KCTD1: variants seen among roughly 807,000 people sequenced by gnomAD.
KCTD1 encodes BTB/POZ domain-containing protein KCTD1.
A neutral mutation model predicts 66.0 loss-of-function variants in KCTD1; 24 were observed. The ratio of observed to expected loss-of-function variants is 0.36; its 90% CI spans 0.26 to 0.51. The LOEUF is 0.51. Ranked by LOEUF, KCTD1 falls within the 20% of genes least tolerant of loss-of-function variation. The pLI is 0.95. For synonymous variants in KCTD1, 511 were observed against 517.2 expected (o/e 0.99, Z 0.16); for missense variants, 943 against 1,205.2 (o/e 0.78, Z 3.22).
At chr18:26,470,532 CAG>C (rs1203898384) in intron 3 of KCTD1, among the ~76,000 whole-genome samples, 1 of 152,230 alleles carries the variant, frequency 6.6e-6, no homozygotes, top group Non-Finnish European at 1.5e-5. Flanking sequence ...GATGGCAAAA[CAG>C]AAAGACAGAA....
chr18:26,483,297 C>T (rs1221211830), intron 2 of KCTD1, among the ~76,000 whole-genome samples: 1 of 152,124 alleles, frequency 6.6e-6, no homozygotes, highest in Non-Finnish European at 1.5e-5. Flanking sequence ...GAGAGTGAGT[C>T]TCGCTCTATC....
At chr18:26,508,726 TCTCA>T (rs748863594) in intron 1 of KCTD1, among the ~76,000 whole-genome samples, 3 of 151,238 alleles carry the variant, frequency 2.0e-5, no homozygotes, top group African/African-American at 4.9e-5. Flanking sequence ...TCTCTCTCTC[TCTCA>T]CACACACACA....
At chr18:26,532,256 T>C (rs540048876) in intron 1 of KCTD1, among the ~76,000 whole-genome samples, 1 of 67,232 alleles carries the variant, frequency 1.5e-5, no homozygotes, top group East Asian at 6.5e-4. Context: ...TTCTTTTCTT[T>C]CCTTCTTTTT....
At chr18:26,647,338 C>A (rs1036904894) in intron 1 of KCTD1, among the ~76,000 whole-genome samples, 2 of 149,340 alleles carry the variant, frequency 1.3e-5, no homozygotes. Context: ...GAAACCCCCC[C>A]CCCATCTCTA....
At chr18:26,459,511 CTGAG>C (rs1980287270) in intron 4 of KCTD1, 105 bp downstream of exon 4, 1 of 1,045,498 alleles carries the variant, frequency 9.6e-7, no homozygotes. Flanking sequence ...AGAAGTGTCA[CTGAG>C]TGAGTTTCTA....
In KCTD1 at chr18:26,604,533, A is replaced by G. The variant is rs139840236; in HGVS notation, c.-16+24614T>C. Among the ~76,000 whole-genome samples the G allele has an allele frequency of 5.5e-4, 84 of 152,378 alleles. No individual in the cohort carries two copies. The East Asian group carries it at 0.014, about 26-fold the overall frequency. Reference sequence around the variant, plus strand: ...TAAATGTCTATAAAGAAAATGTGGTACATATACACCATGGAATACTATGCA... The same window carrying G: ...TAAATGTCTATAAAGAAAATGTGGTGCATATACACCATGGAATACTATGCA... On this transcript the variant is annotated intron_variant, in intron 1 of 4. Coordinates refer to the KCTD1 transcript ENST00000317932.
intron 1 of KCTD1, among the ~76,000 whole-genome samples, chr18:26,510,972 G>C (rs1022662271): frequency 6.6e-6 from 1 of 152,178 alleles, no homozygotes; most frequent in Non-Finnish European, 1.5e-5. Flanking sequence ...GATTAGGACT[G>C]GGTGATGATG....
chr18:26,563,184 A>G (rs968017843), intron 1 of KCTD1, among the ~76,000 whole-genome samples: 1 of 152,160 alleles, frequency 6.6e-6, no homozygotes, highest in African/African-American at 2.4e-5. Flanking sequence ...CAGCAAACAA[A>G]GTAGAAGGTG....
chr18:26,647,633 T>C (rs939952347), intron 1 of KCTD1, among the ~76,000 whole-genome samples: 1 of 150,280 alleles, frequency 6.7e-6, no homozygotes, highest in Admixed American at 6.7e-5. Flanking sequence ...CTGCATTAAG[T>C]AGGGTCCAAA....
rs150449982 is a variant in KCTD1, at chr18:26,576,822, T to C, written c.-16+52325A>G. ...TATTTATTAATCAGGTATTCATCTA[T>C]GTATTTATTATTAAAATGTTCAATG... On this transcript the variant is annotated intron_variant, in intron 1 of 4. Transcript: ENST00000317932. 4.0e-3 allele frequency among the ~76,000 whole-genome samples: 611 copies of C among 152,342 alleles called. 5 individuals are homozygous for C. Among genetic ancestry groups the C allele is most frequent in the African/African-American group, 0.013 (551 of 41,572 alleles).
Position 26,548,124 on chromosome 18 carries a change from C to A in KCTD1, c.413G>T (p.Arg138Leu). The A allele has an allele frequency of 7.6e-7, 1 of 1,309,964 alleles. No individual in the cohort carries two copies. Among genetic ancestry groups the A allele is most frequent in the South Asian group, 2.6e-5 (1 of 39,186 alleles). 81.1% of individuals were successfully genotyped at this position (1,309,964 alleles called of 1,614,324 possible). Residue 138 changes from arginine to leucine, a missense_variant, in exon 1 of 5, where the codon CGA becomes CTA. Transcript: ENST00000580059. ...SAALEPEAPP[R>L]LLAPRARGGP... ...ACCGCGGGCCCGGGGCGCCAGCAGT[C>A]GCGGCGGCGCCTCGGGCTCCAGCGC... is the stretch of plus-strand genomic sequence containing the variant.
intron 2 of KCTD1, 52 bp downstream of exon 2, chr18:26,501,020 G>A (rs1219015986): frequency 1.4e-5 from 22 of 1,583,796 alleles, no homozygotes; most frequent in Middle Eastern, 2.1e-4. Flanking sequence ...AGGAAAAACA[G>A]GTTACCAAAT....
intron 1 of KCTD1, among the ~76,000 whole-genome samples, chr18:26,656,354 A>G (rs1225612132): frequency 6.6e-6 from 1 of 152,168 alleles, no homozygotes; most frequent in Non-Finnish European, 1.5e-5. Context: ...GGAGACTTCT[A>G]ATCCGGAGCA....
rs137906164 is a variant in KCTD1 at position 26,471,949 on chromosome 18, G to T, written c.2133+4566C>A. ...GGATGAGGGTAGTGGATTGATTCGCGATGCGTCCAGGAGGTTAAGATGACG... is the reference window on the plus strand; with the variant it reads ...GGATGAGGGTAGTGGATTGATTCGCTATGCGTCCAGGAGGTTAAGATGACG... On this transcript the variant is annotated intron_variant, in intron 3 of 4. Transcript: ENST00000580059. Among the ~76,000 whole-genome samples, 20 of 152,234 alleles carry T rather than the reference G, an allele frequency of 1.3e-4. No homozygotes were observed. In the East Asian group the frequency reaches 3.5e-3, roughly 26 times the overall value.
At chr18:26,657,029 C>T (rs1409763039) in intron 1 of KCTD1, among the ~76,000 whole-genome samples, 2 of 150,902 alleles carry the variant, frequency 1.3e-5, no homozygotes, top group Non-Finnish European at 3.0e-5. Flanking sequence ...ATCCGGAACC[C>T]GGCCCAGAGA....
At chr18:26,482,580 A>G (rs1981704958) in intron 2 of KCTD1, among the ~76,000 whole-genome samples, 1 of 152,196 alleles carries the variant, frequency 6.6e-6, no homozygotes, top group Admixed American at 6.5e-5. Context: ...TAGCTTGAAG[A>G]GGCTGCCAAT....
rs1302032750 is a variant in KCTD1 at position 26,455,594 on chromosome 18, A to C, written c.*149T>G. On this transcript the variant is annotated 3_prime_UTR_variant, in exon 5 of 5. Coordinates refer to ENST00000580059, the MANE Select transcript of KCTD1 (RefSeq NM_001142730.3). ...ATTCCAATTGTTCCCATATGAATAC[A>C]GGTGTGGTCTCTATTGGATATAAAT... The C allele has an allele frequency of 2.6e-6, 2 of 770,144 alleles. No homozygotes were observed. Among genetic ancestry groups the C allele is most frequent in the African/African-American group, 1.8e-5 (1 of 56,838 alleles). 47.7% of individuals were successfully genotyped at this position (770,144 alleles called of 1,614,324 possible).
At chr18:26,535,999 T>C (rs1221289591) in intron 1 of KCTD1, among the ~76,000 whole-genome samples, 1 of 138,886 alleles carries the variant, frequency 7.2e-6, no homozygotes, top group Non-Finnish European at 1.6e-5. Context: ...AAGATTTTTT[T>C]TCCTGTGTCC....
chr18:26,495,431 G>A (rs900216217), intron 2 of KCTD1, among the ~76,000 whole-genome samples: 5 of 152,104 alleles, frequency 3.3e-5, no homozygotes, highest in Admixed American at 6.6e-5. Context: ...AATGACGCAC[G>A]CCAAAAGCTG....
Sources: gnomAD v4.1 joint callset for allele counts (sites outside exome capture counted in the v4.1 genomes callset) on GRCh38, gnomAD v4.1.1 for gene constraint, MANE v1.5 for transcripts, NCBI Gene and HGNC (gene_info 2026-07-23, HGNC 2026-07-21) for gene names.